The following PBX3 variants were observed in gnomAD, a reference collection of about 807,000 sequenced individuals.
The protein encoded by PBX3 is PBX homeobox 3.
A neutral mutation model predicts 48.5 loss-of-function variants in PBX3; 14 were observed. That is an observed-to-expected ratio of 0.29 (90% CI 0.19 to 0.45). The LOEUF is 0.45. PBX3 is among the 20% of genes least tolerant of loss of function. The pLI is 1.00. For missense variants in PBX3, 386 were observed against 546.7 expected (o/e 0.71, Z 2.93); for synonymous variants, 210 against 200.3 (o/e 1.05, Z -0.41).
At chr9:125,781,653 C>CT (rs1417846012) in intron 2 of PBX3, among the ~76,000 whole-genome samples, 3 of 151,990 alleles carry the variant, frequency 2.0e-5, no homozygotes, top group Non-Finnish European at 4.4e-5. Context: ...AAATTTTGGT[C>CT]TTATTGATTC....
chr9:125,910,809 G>T (rs1298517003), intron 2 of PBX3, among the ~76,000 whole-genome samples: 3 of 151,270 alleles, frequency 2.0e-5, no homozygotes, highest in Admixed American at 6.6e-5. Context: ...TTATTTTACA[G>T]TTGTTTTCTA....
intron 2 of PBX3, among the ~76,000 whole-genome samples, chr9:125,852,458 G>T (rs1468444857): frequency 6.6e-6 from 1 of 152,000 alleles, no homozygotes; most frequent in African/African-American, 2.4e-5. Context: ...CATTCTTCAT[G>T]TTAACTGATC....
At chr9:125,861,187 C>T (rs767337649) in intron 2 of PBX3, among the ~76,000 whole-genome samples, 8 of 151,646 alleles carry the variant, frequency 5.3e-5, no homozygotes, top group East Asian at 2.0e-4. Flanking sequence ...CCTAGCTACC[C>T]GGGAGGTTGA....
chr9:125,956,456 A>AT (rs1205137537), intron 5 of PBX3, among the ~76,000 whole-genome samples: 1 of 152,226 alleles, frequency 6.6e-6, no homozygotes, highest in Non-Finnish European at 1.5e-5. Context: ...TTTAAAAGCA[A>AT]TTGTCAATCT....
chr9:125,929,876 T>G, intron 4 of PBX3, 31 bp downstream of exon 4: 2 of 1,517,954 alleles, frequency 1.3e-6, no homozygotes. Flanking sequence ...ATTGCATGGC[T>G]TTCCCCCGTC....
chr9:125,884,249 G>A (rs1010440700), intron 2 of PBX3, among the ~76,000 whole-genome samples: 6 of 152,190 alleles, frequency 3.9e-5, no homozygotes, highest in African/African-American at 1.4e-4. Context: ...TGCATTAGAA[G>A]CAATCTATAG....
In PBX3 at chr9:125,874,116, A is replaced by G. The variant is rs147040815; in HGVS notation, c.275-41570A>G. ...ATCTTAGGTGAAATGAAATATTGGT[A>G]GAAATACAGAAATGAGTAAATCCTG... On this transcript the variant is annotated intron_variant, in intron 2 of 8. Coordinates refer to ENST00000373489, the MANE Select transcript of PBX3 (RefSeq NM_006195.6). 4.6e-5 allele frequency among the ~76,000 whole-genome samples: 7 copies of G among 152,326 alleles called. No homozygotes were observed. In the East Asian group the frequency reaches 1.3e-3, roughly 29 times the overall value.
rs573500894 is a variant in PBX3, at chr9:125,821,455, TA to T, written c.274+72833del. ...TCTTTTTTAAAGGAAAGGATTAATA[TA>T]GGGGATTAATTTTTAAAAATGGAAA... On this transcript the variant is annotated intron_variant, in intron 2 of 8. Transcript: ENST00000373489. Among the ~76,000 whole-genome samples, 29 of 152,250 alleles carry T rather than the reference TA, an allele frequency of 1.9e-4. No individual in the cohort carries two copies. The East Asian group carries it at 5.4e-3, about 28-fold the overall frequency.
At chr9:125,939,992 A>G (rs1331460020) in intron 5 of PBX3, among the ~76,000 whole-genome samples, 1 of 152,082 alleles carries the variant, frequency 6.6e-6, no homozygotes, top group Non-Finnish European at 1.5e-5. Flanking sequence ...GACCAGCCTG[A>G]CCAACATGGA....
intron 2 of PBX3, among the ~76,000 whole-genome samples, chr9:125,886,373 C>A (rs1368176045): frequency 6.6e-6 from 1 of 152,112 alleles, no homozygotes; most frequent in African/African-American, 2.4e-5. Flanking sequence ...AGGTTTTTAT[C>A]TCCTCACTGA....
In PBX3 at chr9:125,777,000, TTTTTC is replaced by T. The variant is rs959208016; in HGVS notation, c.274+28392_274+28396del. ...GCCACTGCGCCTGGCTGACACATGA[TTTTTC>T]TTTTCTTTTCTTTTTTTTTTTTGAG... On this transcript the variant is annotated intron_variant, in intron 2 of 8. Coordinates refer to ENST00000373489, the MANE Select transcript of PBX3 (RefSeq NM_006195.6). Among the ~76,000 whole-genome samples the T allele has an allele frequency of 6.2e-4, 86 of 139,426 alleles. 1 individual carries two copies. The highest frequency in any genetic ancestry group is 1.4e-3 in the South Asian group (6 of 4,174). 91.5% of individuals were successfully genotyped at this position (139,426 alleles called of 152,430 possible).
chr9:125,797,538 A>G (rs1400006218), intron 2 of PBX3: 2 of 152,158 alleles, frequency 1.3e-5, no homozygotes, highest in South Asian at 2.1e-4. Flanking sequence ...AGTTCTTTTC[A>G]TATAAGATAA....
intron 2 of PBX3, among the ~76,000 whole-genome samples, chr9:125,769,249 A>G (rs1020603815): frequency 2.0e-5 from 3 of 152,220 alleles, no homozygotes; most frequent in African/African-American, 4.8e-5. Context: ...CAATGGCGCC[A>G]GCAGTTTTAT....
chr9:125,886,552 TAC>T (rs1840506807), intron 2 of PBX3, among the ~76,000 whole-genome samples: 1 of 152,158 alleles, frequency 6.6e-6, no homozygotes, highest in Non-Finnish European at 1.5e-5. Context: ...ACGGGTAAAT[TAC>T]AGTCATTTAC....
intron 2 of PBX3, among the ~76,000 whole-genome samples, chr9:125,914,913 G>C (rs942183977): frequency 1.3e-5 from 2 of 152,334 alleles, no homozygotes; most frequent in African/African-American, 4.8e-5. Flanking sequence ...ATGATCTATA[G>C]TACTCAGAAG....
intron 2 of PBX3, among the ~76,000 whole-genome samples, chr9:125,765,800 G>A (rs1315919646): frequency 1.3e-5 from 2 of 152,122 alleles, no homozygotes; most frequent in Admixed American, 1.3e-4. Context: ...ATCTAGACTT[G>A]ATTATTGAGG....
chr9:125,962,928 C>T (rs1044247295), intron 7 of PBX3, 84 bp from the exon 8 acceptor site: 7 of 613,620 alleles, frequency 1.1e-5, no homozygotes, highest in Non-Finnish European at 2.0e-5. Flanking sequence ...CCTTGTGGCA[C>T]ACATAATTCA....
At chr9:125,956,249 A>G (rs547603793) in intron 5 of PBX3, among the ~76,000 whole-genome samples, 1 of 152,362 alleles carries the variant, frequency 6.6e-6, no homozygotes, top group South Asian at 2.1e-4. Flanking sequence ...TCAGCTTAGT[A>G]AATAGCAGAG....
chr9:125,802,814 G>T (rs1369581360), intron 2 of PBX3, among the ~76,000 whole-genome samples: 2 of 151,736 alleles, frequency 1.3e-5, no homozygotes, highest in South Asian at 4.2e-4. Context: ...GAGTAGCTGG[G>T]ATTACAGGTG....
Sources: allele counts gnomAD v4.1 joint callset (sites outside exome capture counted in the v4.1 genomes callset), GRCh38; gene constraint gnomAD v4.1.1; transcripts MANE v1.5; gene names NCBI Gene and HGNC (gene_info 2026-07-23, HGNC 2026-07-21).